GSTZ1: variants seen among roughly 807,000 people sequenced by gnomAD.
GSTZ1 encodes glutathione S-transferase zeta 1, also known as maleylacetoacetate isomerase.
Under a neutral mutation model 35.9 loss-of-function variants are expected in GSTZ1, and 34 were observed. The ratio of observed to expected loss-of-function variants is 0.95; its 90% CI spans 0.72 to 1.26. The LOEUF (loss-of-function observed/expected upper bound fraction) is 1.26, where lower values mean the gene tolerates loss of function less well. GSTZ1 is among the 50% of genes most tolerant of loss of function. The probability of loss-of-function intolerance (pLI) is 0.00; values close to 1 mark genes in which losing one functional copy is unlikely to be tolerated. For missense variants in GSTZ1, 263 were observed against 271.7 expected, an observed-to-expected ratio of 0.97 and a Z score of 0.23; for synonymous variants, 93 against 101.2, an observed-to-expected ratio of 0.92 and a Z score of 0.49.
At chr14:77,330,943 C>A (rs1892594965) in intron 8 of GSTZ1, 126 bp from the exon 9 acceptor site, 1 of 811,336 alleles carries the variant, frequency 1.2e-6, no homozygotes, top group Non-Finnish European at 2.0e-6. Flanking sequence ...AGGGCTGCCC[C>A]ATCGTCCTTC....
At position 77,321,067 on chromosome 14, in the gene GSTZ1, A is replaced by G. The variant is rs1594814138; in HGVS notation, c.-102A>G. 1.6e-6 allele frequency: 2 copies of G among 1,241,470 alleles called. No homozygotes were observed. The highest frequency in any genetic ancestry group is 2.2e-6 in the Non-Finnish European group (2 of 918,478). 76.9% of individuals were successfully genotyped at this position (1,241,470 alleles called of 1,614,324 possible). ...CAGCCCCTCGCTTTACCCGGACGAA[A>G]GACACGGGCCTGATTCGTCGAGTCT... On this transcript the variant is annotated 5_prime_UTR_variant, in exon 1 of 9. Transcript: ENST00000216465.
At chr14:77,324,562 C>G in intron 1 of GSTZ1, 1 of 1,527,164 alleles carries the variant, frequency 6.5e-7, no homozygotes, top group South Asian at 1.2e-5. Flanking sequence ...GAAGCTGTGC[C>G]AGAGGGGACA....
At chr14:77,322,012 C>G (rs1892033563) in intron 1 of GSTZ1, among the ~76,000 whole-genome samples, 1 of 152,090 alleles carries the variant, frequency 6.6e-6, no homozygotes, top group Non-Finnish European at 1.5e-5. Flanking sequence ...GTGGAACGGG[C>G]TCGAGAATCT....
In GSTZ1 at chr14:77,329,766, A is replaced by C; in HGVS notation, c.433A>C (p.Ile145Leu). The change falls in exon 7 of 9, where the codon ATC becomes CTC. Residue 145 changes from isoleucine to leucine, a missense_variant. Coordinates refer to ENST00000216465, the MANE Select transcript of GSTZ1 (RefSeq NM_145870.3). ...ITCGFNALEQ[I>L]LQSTAGIYCV... ...TGGCCTCCCCACAGCCCTGGAGCAG[A>C]TCCTACAGAGCACAGCGGGCATATA... 6.2e-7 allele frequency: 1 copy of C among 1,613,656 alleles called. No individual in the cohort carries two copies. Among genetic ancestry groups the C allele is most frequent in the Non-Finnish European group, 8.5e-7 (1 of 1,179,576 alleles).
At chr14:77,326,029 A>G (rs1174920361) in intron 2 of GSTZ1, 1 of 152,252 alleles carries the variant, frequency 6.6e-6, no homozygotes, top group African/African-American at 2.4e-5. Context: ...TCTCCACACC[A>G]TGACATGTCT....
intron 1 of GSTZ1, chr14:77,322,569 C>T: frequency 1.0e-6 from 1 of 983,144 alleles, no homozygotes; most frequent in Non-Finnish European, 1.2e-6. Context: ...GTCCCTGTCC[C>T]TTGGCACCAG....
Position 77,324,899 on chromosome 14 carries a change from C to T in GSTZ1, c.45C>T (p.Ser15=), listed in dbSNP as rs765542186. ...TCCTCTATTCCTATTTCCGAAGCTC[C>T]TGCTCATGGAGAGTTCGAATTGGTA... is the stretch of plus-strand genomic sequence containing the variant. ...KPILYSYFRS[S]CSWRVRIALA... Residue 15 remains serine, a synonymous_variant, in exon 2 of 9, where the codon TCC becomes TCT. Coordinates refer to ENST00000216465, the MANE Select transcript of GSTZ1 (RefSeq NM_145870.3). 4 of 1,613,976 alleles carry T rather than the reference C, an allele frequency of 2.5e-6. No homozygotes were observed. In the East Asian group the frequency reaches 6.7e-5, roughly 27 times the overall value.
chr14:77,321,708 C>T (rs1401129957), intron 1 of GSTZ1: 7 of 239,958 alleles, frequency 2.9e-5, no homozygotes, highest in Non-Finnish European at 4.8e-5. Context: ...ACGATGAAAC[C>T]CTGTCTCTAT....
chr14:77,328,335 G>A, intron 5 of GSTZ1: 1 of 418,778 alleles, frequency 2.4e-6, no homozygotes, highest in Non-Finnish European at 4.4e-6. Flanking sequence ...CCCAGTCCAG[G>A]CCTCCTGCCT....
At chr14:77,329,093 GCAAT>G (rs1892479538) in intron 5 of GSTZ1, 26 bp from the exon 6 acceptor site, 1 of 1,512,484 alleles carries the variant, frequency 6.6e-7, no homozygotes, top group African/African-American at 1.4e-5. Context: ...AGCTGTCAGC[GCAAT>G]CACAGATTTT....
intron 1 of GSTZ1, chr14:77,322,437 C>T (rs1892067021): frequency 4.7e-6 from 1 of 212,170 alleles, no homozygotes; most frequent in Non-Finnish European, 8.1e-6. Flanking sequence ...ATTTACCATG[C>T]TTCTGGTCAC....
chr14:77,326,931 A>G (rs374637139), intron 3 of GSTZ1, 26 bp downstream of exon 3: 8 of 1,533,430 alleles, frequency 5.2e-6, no homozygotes, highest in Admixed American at 1.8e-5. Flanking sequence ...CCAGACCACA[A>G]TGTGGGAATT....
chr14:77,323,996 TG>T (rs1892165447), intron 1 of GSTZ1: 1 of 154,618 alleles, frequency 6.5e-6, no homozygotes, highest in African/African-American at 2.4e-5. Context: ...CATGCAGAGC[TG>T]GTTCCTGCAC....
intron 6 of GSTZ1, 193 bp downstream of exon 6, chr14:77,329,394 C>G (rs1296487528): frequency 1.6e-6 from 1 of 610,222 alleles, no homozygotes; most frequent in Non-Finnish European, 2.9e-6. Flanking sequence ...CTGGGAACCT[C>G]GGTCCCTGAG....
chr14:77,323,677 AAC>A (rs1892147161), intron 1 of GSTZ1: 1 of 152,222 alleles, frequency 6.6e-6, no homozygotes, highest in Non-Finnish European at 1.5e-5. Flanking sequence ...AACTACTTGA[AAC>A]ATTTTAAACT....
intron 3 of GSTZ1, 168 bp downstream of exon 3, chr14:77,327,073 C>T (rs1295745483): frequency 1.6e-6 from 1 of 626,970 alleles, no homozygotes; most frequent in South Asian, 1.8e-5. Context: ...GCAAGGTGTG[C>T]AGTAGCAGGA....
At position 77,324,152 on chromosome 14, in the gene GSTZ1, CTTTTTT is replaced by C. The variant is rs11287763; in HGVS notation, c.16-703_16-698del. On this transcript the variant is annotated intron_variant, in intron 1 of 8. Coordinates refer to ENST00000216465, the MANE Select transcript of GSTZ1 (RefSeq NM_145870.3). Reference sequence around the variant, plus strand: ...CTTCCTGCGAGTTGGAAAAAAATGCCTTTTTTTTTTTTTTTTTTTTGAGACGCAGTC... The same window carrying C: ...CTTCCTGCGAGTTGGAAAAAAATGCCTTTTTTTTTTTTTTGAGACGCAGTC... 2.0e-4 allele frequency: 24 copies of C among 117,944 alleles called. No individual in the cohort carries two copies. The South Asian group carries it at 4.7e-3, about 23-fold the overall frequency. 7.3% of individuals were successfully genotyped at this position (117,944 alleles called of 1,614,324 possible).
rs1251807831 is a variant in GSTZ1, at chr14:77,326,862, AC to A, written c.93del (p.Tyr31Ter). 3.1e-6 allele frequency: 5 copies of A among 1,607,702 alleles called. No homozygotes were observed. The African/African-American group carries it at 6.7e-5, about 21-fold the overall frequency. On this transcript the variant is annotated frameshift_variant, in exon 3 of 9. Transcript: ENST00000216465. LOFTEE classifies it high-confidence loss of function. The part of the protein sequence containing the change: ...RIALALKGID[Y>X]ETVPINLIKD... ...GCTCTGGCCTTGAAAGGCATCGACT[AC>A]GAGACGGTGCCCATCAATCTCATAA...
intron 2 of GSTZ1, chr14:77,325,550 A>T (rs1401126801): frequency 3.3e-5 from 5 of 152,436 alleles, no homozygotes; most frequent in African/African-American, 1.2e-4. Flanking sequence ...AGGCACAAAA[A>T]ACAGGCAACA....
Sources: gnomAD v4.1 joint callset for allele counts (sites outside exome capture counted in the v4.1 genomes callset) on GRCh38, gnomAD v4.1.1 for gene constraint, MANE v1.5 for transcripts, NCBI Gene and HGNC (gene_info 2026-07-23, HGNC 2026-07-21) for gene names.